CSMD1: variants seen among roughly 807,000 people sequenced by gnomAD.
The protein encoded by CSMD1 is CUB and sushi domain-containing protein 1.
In CSMD1, 213 loss-of-function variants were observed where a neutral mutation model predicts 417.5. The ratio of observed to expected loss-of-function variants is 0.51; its 90% CI spans 0.46 to 0.57. The LOEUF (loss-of-function observed/expected upper bound fraction) is 0.57, where lower values mean the gene tolerates loss of function less well. Among genes scored for constraint, CSMD1 ranks in the 20% least tolerant of loss-of-function variants. The pLI, the probability that CSMD1 is intolerant of heterozygous loss-of-function variation, is 0.00. For synonymous variants in CSMD1, 2,862 were observed against 1,736.8 expected (o/e 1.65, Z -16.11); for missense variants, 6,923 against 4,529.7 (o/e 1.53, Z -15.17).
rs575140469 is a variant in CSMD1, at chr8:4,896,162, T to C, written c.85+98170A>G. Among the ~76,000 whole-genome samples, 5 of 152,264 alleles carry C rather than the reference T, an allele frequency of 3.3e-5. No homozygotes were observed. The East Asian group carries it at 5.8e-4, about 18-fold the overall frequency. On this transcript the variant is annotated intron_variant, in intron 1 of 69. Transcript: ENST00000635120. ...AATATTTTTTTAAACATTTGAAAGATTGTTTCCTTTGTCTTTCATATTCAG... is the reference window on the plus strand; with the variant it reads ...AATATTTTTTTAAACATTTGAAAGACTGTTTCCTTTGTCTTTCATATTCAG...
intron 3 of CSMD1, among the ~76,000 whole-genome samples, chr8:4,072,396 ATG>A (rs1304143635): frequency 6.6e-6 from 1 of 152,264 alleles, no homozygotes; most frequent in Non-Finnish European, 1.5e-5. Context: ...ACTGCATTCT[ATG>A]TACCAAGCAT....
chr8:4,194,049 C>G (rs1799192271), intron 3 of CSMD1, among the ~76,000 whole-genome samples: 1 of 152,056 alleles, frequency 6.6e-6, no homozygotes, highest in East Asian at 1.9e-4. Context: ...ATTATAGTAA[C>G]TTTCATATAC....
rs142760670 is a variant in CSMD1 at position 3,579,115 on chromosome 8, C to T, written c.1223-4049G>A. Among the ~76,000 whole-genome samples, 19 of 152,300 alleles carry T rather than the reference C, an allele frequency of 1.2e-4. No homozygotes were observed. In the East Asian group the frequency reaches 3.7e-3, roughly 29 times the overall value. On this transcript the variant is annotated intron_variant, in intron 9 of 69. Coordinates refer to ENST00000635120, the MANE Select transcript of CSMD1 (RefSeq NM_033225.6). ...TTACTTGCTTGGCAGTTTTCCAGAC[C>T]TGTAAACTCAAATTTCACTTACATC...
At chr8:4,744,408 C>G (rs575996601) in intron 1 of CSMD1, among the ~76,000 whole-genome samples, 1 of 152,148 alleles carries the variant, frequency 6.6e-6, no homozygotes, top group African/African-American at 2.4e-5. Context: ...TCGGTTCTAG[C>G]CTGCGCAGGA....
At chr8:4,753,158 G>A (rs1157879826) in intron 1 of CSMD1, among the ~76,000 whole-genome samples, 1 of 152,108 alleles carries the variant, frequency 6.6e-6, no homozygotes, top group Non-Finnish European at 1.5e-5. Flanking sequence ...TCACTTGTCT[G>A]AGATCATACA....
intron 18 of CSMD1, among the ~76,000 whole-genome samples, chr8:3,374,057 A>G (rs1329829438): frequency 2.0e-5 from 3 of 150,800 alleles, no homozygotes; most frequent in Admixed American, 6.6e-5. Flanking sequence ...GGTTCAAGCA[A>G]TTCTCCTCCC....
At chr8:3,298,893 C>G (rs1258369727) in intron 25 of CSMD1, among the ~76,000 whole-genome samples, 2 of 152,160 alleles carry the variant, frequency 1.3e-5, no homozygotes, top group Admixed American at 1.3e-4. Context: ...TATCTGAGTT[C>G]TGGTTACATG....
intron 1 of CSMD1, among the ~76,000 whole-genome samples, chr8:4,802,730 T>A (rs17071409): frequency 0.011 from 1,706 of 152,240 alleles, 28 homozygotes; most frequent in African/African-American, 0.038. Context: ...CCAAAGAGAA[T>A]GTTTAAATAT....
chr8:4,456,800 G>C (rs986839019), intron 2 of CSMD1, among the ~76,000 whole-genome samples: 7 of 152,128 alleles, frequency 4.6e-5, no homozygotes, highest in Non-Finnish European at 5.9e-5. Context: ...AGCTGAAGAA[G>C]CTACCTGTGA....
chr8:4,975,746 C>A (rs771510292), intron 1 of CSMD1, among the ~76,000 whole-genome samples: 1 of 152,136 alleles, frequency 6.6e-6, no homozygotes, highest in Admixed American at 6.6e-5. Flanking sequence ...AATGAAGACA[C>A]GGCCAACTGT....
At chr8:4,573,737 C>G (rs749137980) in intron 2 of CSMD1, among the ~76,000 whole-genome samples, 1 of 152,188 alleles carries the variant, frequency 6.6e-6, no homozygotes, top group Non-Finnish European at 1.5e-5. Context: ...CTCCTTCCCC[C>G]AGGTGCTCTG....
At chr8:3,360,397 TCA>T (rs1809082081) in intron 20 of CSMD1, among the ~76,000 whole-genome samples, 1 of 152,250 alleles carries the variant, frequency 6.6e-6, no homozygotes, top group Admixed American at 6.5e-5. Context: ...GCTCTGGCTG[TCA>T]CCAGCCTCTT....
intron 1 of CSMD1, among the ~76,000 whole-genome samples, chr8:4,732,032 C>T (rs1219967761): frequency 6.6e-6 from 1 of 152,136 alleles, no homozygotes; most frequent in South Asian, 2.1e-4. Flanking sequence ...GTGTTGACTG[C>T]ATGCCTCCCC....
intron 3 of CSMD1, among the ~76,000 whole-genome samples, chr8:4,416,615 T>A (rs1444606594): frequency 6.6e-6 from 1 of 152,066 alleles, no homozygotes; most frequent in East Asian, 1.9e-4. Flanking sequence ...AATTCCTTTT[T>A]AAAATCTAAA....
At chr8:3,772,105 T>C (rs1251560070) in intron 5 of CSMD1, among the ~76,000 whole-genome samples, 2 of 150,474 alleles carry the variant, frequency 1.3e-5, no homozygotes, top group African/African-American at 2.4e-5. Flanking sequence ...GGTGATTTTG[T>C]GTGAGTGCTC....
intron 3 of CSMD1, among the ~76,000 whole-genome samples, chr8:4,274,244 T>C (rs952789396): frequency 1.3e-5 from 2 of 152,120 alleles, no homozygotes; most frequent in Admixed American, 1.3e-4. Context: ...TAATCAGCAT[T>C]TTATTAACAC....
intron 4 of CSMD1, among the ~76,000 whole-genome samples, chr8:4,006,283 C>G (rs989603786): frequency 2.0e-5 from 3 of 152,098 alleles, no homozygotes; most frequent in East Asian, 1.9e-4. Context: ...CTGGAATAAA[C>G]AAAAAATGAA....
chr8:3,256,528 T>G (rs914628150), intron 26 of CSMD1, among the ~76,000 whole-genome samples: 11 of 152,232 alleles, frequency 7.2e-5, no homozygotes, highest in African/African-American at 2.7e-4. Flanking sequence ...TAGGATTTAT[T>G]GCATGCACTA....
chr8:3,671,694 C>T (rs1585051441), intron 7 of CSMD1, among the ~76,000 whole-genome samples: 1 of 151,012 alleles, frequency 6.6e-6, no homozygotes, highest in South Asian at 2.1e-4. Flanking sequence ...TCCTTGGGAG[C>T]CTCTTCATCT....
Sources: gnomAD v4.1 joint callset for allele counts (sites outside exome capture counted in the v4.1 genomes callset) on GRCh38, gnomAD v4.1.1 for gene constraint, MANE v1.5 for transcripts, NCBI Gene and HGNC (gene_info 2026-07-23, HGNC 2026-07-21) for gene names.